TBC1D1: variants seen among roughly 807,000 people sequenced by gnomAD.
TBC1D1 encodes the protein TBC1 domain family member 1.
Under a neutral mutation model 125.6 loss-of-function variants are expected in TBC1D1, and 89 were observed. The ratio of observed to expected loss-of-function variants is 0.71; its 90% confidence interval spans 0.60 to 0.85. The LOEUF (loss-of-function observed/expected upper bound fraction) is 0.85. TBC1D1 is among the 40% of genes least tolerant of loss of function. TBC1D1 has a pLI of 0.00. For missense variants in TBC1D1, 1,377 were observed against 1,469.2 expected (o/e 0.94, Z 1.03); for synonymous variants, 565 against 564.1 (o/e 1.00, Z -0.02).
chr4:38,114,075 C>T (rs115211271), intron 15 of TBC1D1, among the ~76,000 whole-genome samples: 1 of 151,992 alleles, frequency 6.6e-6, no homozygotes, highest in South Asian at 2.1e-4. Context: ...CTGCACACAA[C>T]CTAGAGGGGT....
At chr4:37,910,710 G>A (rs1054135386) in intron 2 of TBC1D1, among the ~76,000 whole-genome samples, 3 of 151,998 alleles carry the variant, frequency 2.0e-5, no homozygotes, top group African/African-American at 7.2e-5. Context: ...AAAATAGTTA[G>A]AAGAATAAAT....
chr4:38,002,346 C>T (rs553438757), intron 2 of TBC1D1, among the ~76,000 whole-genome samples: 1 of 152,304 alleles, frequency 6.6e-6, no homozygotes, highest in East Asian at 1.9e-4. Flanking sequence ...CTTCAGCTGT[C>T]TAGAAAAATC....
At chr4:38,121,370 A>G (rs752006639) in intron 17 of TBC1D1, among the ~76,000 whole-genome samples, 1 of 152,238 alleles carries the variant, frequency 6.6e-6, no homozygotes, top group Non-Finnish European at 1.5e-5. Flanking sequence ...CAGTAACGCA[A>G]TAAGAGGGTT....
intron 15 of TBC1D1, among the ~76,000 whole-genome samples, chr4:38,107,074 C>G (rs923464550): frequency 1.3e-5 from 2 of 152,116 alleles, no homozygotes; most frequent in African/African-American, 2.4e-5. Flanking sequence ...ACACACTTCC[C>G]GAGGGCCTGA....
intron 15 of TBC1D1, among the ~76,000 whole-genome samples, chr4:38,111,157 T>C (rs868485355): frequency 5.9e-5 from 9 of 152,246 alleles, no homozygotes; most frequent in African/African-American, 2.2e-4. Flanking sequence ...GCTACAGTGC[T>C]CAACACTGGA....
At chr4:38,120,202 G>A (rs1409389737) in intron 17 of TBC1D1, 2 of 766,404 alleles carry the variant, frequency 2.6e-6, no homozygotes, top group East Asian at 1.3e-4. Context: ...CATCATTCCT[G>A]GATCCCACAG....
At chr4:38,062,563 A>T (rs1752953319) in intron 12 of TBC1D1, among the ~76,000 whole-genome samples, 1 of 152,094 alleles carries the variant, frequency 6.6e-6, no homozygotes, top group Non-Finnish European at 1.5e-5. Context: ...CTGATTGTTC[A>T]TGGATTTCTA....
At chr4:37,940,953 G>T (rs545188117) in intron 2 of TBC1D1, among the ~76,000 whole-genome samples, 1 of 152,094 alleles carries the variant, frequency 6.6e-6, no homozygotes, top group East Asian at 1.9e-4. Context: ...TTTTTGCATC[G>T]ATATTCATCA....
At chr4:38,135,285 G>T (rs1342499473) in intron 19 of TBC1D1, among the ~76,000 whole-genome samples, 1 of 152,090 alleles carries the variant, frequency 6.6e-6, no homozygotes, top group African/African-American at 2.4e-5. Flanking sequence ...TTGTCTAGAC[G>T]CTGGAGAGCA....
At chr4:37,935,768 C>G (rs540227640) in intron 2 of TBC1D1, among the ~76,000 whole-genome samples, 1 of 152,160 alleles carries the variant, frequency 6.6e-6, no homozygotes, top group African/African-American at 2.4e-5. Context: ...TAAGAGTCTC[C>G]GTTTCCCCTC....
At position 37,902,373 on chromosome 4, in the gene TBC1D1, T is replaced by C; in HGVS notation, c.278T>C (p.Ile93Thr). ...TGGGATCCCCTGATCTATTCCAGCATCTTTGAGTGCAAGCCTCAGCGTGTT... is the reference window on the plus strand; with the variant it reads ...TGGGATCCCCTGATCTATTCCAGCACCTTTGAGTGCAAGCCTCAGCGTGTT... The change falls in exon 2 of 20, where the codon ATC (isoleucine) becomes ACC (threonine). Residue 93 changes from isoleucine to threonine, a missense_variant. Around this residue, in one of 3 missense-constraint regions of TBC1D1, gnomAD observed 822 missense variants for 824.6 expected, o/e 1.00. Coordinates refer to ENST00000261439, the MANE Select transcript of TBC1D1 (RefSeq NM_015173.4). 1 of 1,614,192 alleles carries C rather than the reference T, an allele frequency of 6.2e-7. No homozygotes were observed. The highest frequency in any genetic ancestry group is 8.5e-7 in the Non-Finnish European group (1 of 1,180,030).
intron 2 of TBC1D1, among the ~76,000 whole-genome samples, chr4:37,981,761 G>A (rs955365164): frequency 1.3e-5 from 2 of 152,264 alleles, no homozygotes; most frequent in East Asian, 1.9e-4. Flanking sequence ...TTAGAATGGG[G>A]TTTGGATTTG....
Position 38,090,000 on chromosome 4 carries a change from G to A in TBC1D1, c.2119G>A (p.Gly707Ser), listed in dbSNP as rs1327049514. The change falls in exon 13 of 20, where the codon GGC (glycine) becomes AGC (serine). Residue 707 changes from glycine (G) to serine (S), a missense_variant. By Grantham distance (56) the Gly-to-Ser change is moderately conservative. Coordinates refer to ENST00000261439, the MANE Select transcript of TBC1D1 (RefSeq NM_015173.4). ...ACCAGTTTGTGAAGATGGGCCCTTTGGCCCCCCACCAGAGGAAAAGAAAAG... is the reference window on the plus strand; with the variant it reads ...ACCAGTTTGTGAAGATGGGCCCTTTAGCCCCCCACCAGAGGAAAAGAAAAG... 1 of 1,613,888 alleles carries A rather than the reference G, an allele frequency of 6.2e-7. No individual in the cohort carries two copies.
chr4:38,041,659 A>T (rs1208481019), intron 8 of TBC1D1, among the ~76,000 whole-genome samples: 15 of 152,264 alleles, frequency 9.9e-5, no homozygotes, highest in Admixed American at 9.8e-4. Flanking sequence ...ACAGGAATAA[A>T]TCTCAAAAAT....
rs768194526 is a variant in TBC1D1, at chr4:38,014,625, C to T, written c.534C>T (p.Cys178=). 8 of 1,613,402 alleles carry T rather than the reference C, an allele frequency of 5.0e-6. No individual in the cohort carries two copies. Among genetic ancestry groups the T allele is most frequent in the Non-Finnish European group, 6.8e-6 (8 of 1,180,038 alleles). ...CCAAGAAGTTCGAGGTGCTCTTCTG[C>T]GGCCGCGTGACGGTGGCGCACAAGA... Residue 178 remains cysteine (C), a synonymous_variant, in exon 3 of 20, where the codon TGC becomes TGT. Transcript: ENST00000261439. This position sits in a 1 kb window ranked among gnomAD's most constrained non-coding sequence, Gnocchi z 5.1.
chr4:38,046,153 CAGG>C (rs1227825436), intron 10 of TBC1D1, among the ~76,000 whole-genome samples: 7 of 152,094 alleles, frequency 4.6e-5, no homozygotes, highest in Admixed American at 3.9e-4. Flanking sequence ...ATCATGAGGT[CAGG>C]AGATCGAGAC....
In TBC1D1 at chr4:38,039,104, C is replaced by CTTTTTTTTTTTTTTTT. The variant is rs776941680; in HGVS notation, c.1413+3422_1413+3437dup. On this transcript the variant is annotated intron_variant, in intron 8 of 19. Transcript: ENST00000261439. ...AATTTCTTATAAATGGCATCATACTCTTTTTTTTTTTTTTTTTTTTTTTTT... is the reference window on the plus strand; with the variant it reads ...AATTTCTTATAAATGGCATCATACTCTTTTTTTTTTTTTTTTTTTTTTTTTTTTTTTTTTTTTTTTT... 1.2e-4 allele frequency among the ~76,000 whole-genome samples: 6 copies of CTTTTTTTTTTTTTTTT among 51,582 alleles called. 2 individuals are homozygous for CTTTTTTTTTTTTTTTT. Among genetic ancestry groups the CTTTTTTTTTTTTTTTT allele is most frequent in the Non-Finnish European group, 1.5e-4 (4 of 26,282 alleles). The allele number at this position is 51,582 out of a possible 152,430, so 33.8% of individuals were successfully genotyped here.
chr4:38,018,558 G>A (rs772870409), intron 4 of TBC1D1, 115 bp downstream of exon 4: 2 of 604,234 alleles, frequency 3.3e-6, no homozygotes, highest in African/African-American at 2.1e-5. Context: ...TCTAAGTACT[G>A]TACTTGATTT....
At chr4:37,970,947 C>CG (rs1050074450) in intron 2 of TBC1D1, among the ~76,000 whole-genome samples, 2 of 152,094 alleles carry the variant, frequency 1.3e-5, no homozygotes, top group African/African-American at 4.8e-5. Context: ...ACTGGCCCCC[C>CG]CCACTAGAGG....
Sources: allele counts gnomAD v4.1 joint callset (sites outside exome capture counted in the v4.1 genomes callset), GRCh38; gene constraint gnomAD v4.1.1; regional missense constraint gnomAD v4.1.1; non-coding constraint Gnocchi (gnomAD v3.1); transcripts MANE v1.5; gene names NCBI Gene and HGNC (gene_info 2026-07-23, HGNC 2026-07-21).